The following KCNJ6 variants were observed in gnomAD, a reference collection of about 807,000 sequenced individuals.
KCNJ6 encodes potassium inwardly rectifying channel subfamily J member 6.
KCNJ6 carries 9 observed loss-of-function variants against 34.2 expected under a neutral mutation model. The ratio of observed to expected loss-of-function variants is 0.26; its 90% CI spans 0.16 to 0.46. The LOEUF (loss-of-function observed/expected upper bound fraction) is 0.46. KCNJ6 is among the 20% of genes least tolerant of loss of function. The probability of loss-of-function intolerance (pLI) is 1.00; values close to 1 mark genes in which losing one functional copy is unlikely to be tolerated. For synonymous variants in KCNJ6, 196 were observed against 207.1 expected (o/e 0.95, Z 0.46); for missense variants, 236 against 531.3 (o/e 0.44, Z 5.46).
intron 1 of KCNJ6, among the ~76,000 whole-genome samples, chr21:37,866,160 G>A (rs1421728109): frequency 6.6e-6 from 1 of 152,072 alleles, no homozygotes; most frequent in African/African-American, 2.4e-5. Context: ...GAGAAAAGAA[G>A]ACATTCTGTC....
chr21:37,820,865 T>G (rs1320566881), intron 2 of KCNJ6, among the ~76,000 whole-genome samples: 1 of 152,252 alleles, frequency 6.6e-6, no homozygotes. Context: ...TGTGCCTTGT[T>G]TTGACTAGTT....
rs1355602940 is a variant in KCNJ6 at position 37,608,769 on chromosome 21, G to A, written c.*16390C>T. The stretch of plus-strand genomic sequence containing the variant: ...ATTACAGGCTTGTTGAGGACAGTGG[G>A]GGATGTTACTTTTTCTCAGAGTCTT... On this transcript the variant is annotated 3_prime_UTR_variant, in exon 4 of 4. Coordinates refer to ENST00000609713, the MANE Select transcript of KCNJ6 (RefSeq NM_002240.5). The A allele has an allele frequency of 1.3e-5, 2 of 152,196 alleles. No individual in the cohort carries two copies. Among genetic ancestry groups the A allele is most frequent in the African/African-American group, 4.8e-5 (2 of 41,440 alleles). The allele number at this position is 152,196 out of a possible 1,614,324, so 9.4% of individuals were successfully genotyped here.
intron 2 of KCNJ6, among the ~76,000 whole-genome samples, chr21:37,825,506 G>A (rs541899580): frequency 5.3e-5 from 8 of 152,020 alleles, no homozygotes; most frequent in Admixed American, 1.3e-4. Flanking sequence ...TACCTCACTC[G>A]ATCCAACCCC....
intron 2 of KCNJ6, among the ~76,000 whole-genome samples, chr21:37,814,330 A>T (rs1351667317): frequency 6.6e-6 from 1 of 152,212 alleles, no homozygotes; most frequent in Non-Finnish European, 1.5e-5. Flanking sequence ...GCTGTTGGTG[A>T]GAATGCAAAT....
At chr21:37,805,718 G>A (rs1368259852) in intron 2 of KCNJ6, among the ~76,000 whole-genome samples, 1 of 152,174 alleles carries the variant, frequency 6.6e-6, no homozygotes, top group African/African-American at 2.4e-5. Flanking sequence ...CTTATGAGAA[G>A]AGGTAAATTT....
At position 37,611,142 on chromosome 21, in the gene KCNJ6, G is replaced by T. The variant is rs116065829; in HGVS notation, c.*14017C>A. The T allele has an allele frequency of 6.6e-6, 1 of 152,128 alleles. No individual in the cohort carries two copies. The highest frequency in any genetic ancestry group is 1.5e-5 in the Non-Finnish European group (1 of 68,016). 9.4% of individuals were successfully genotyped at this position (152,128 alleles called of 1,614,324 possible). ...CACAAATTACTACTATCAGAAATGA[G>T]AGCGGGGACGTTACTAGCAATCCCA... On this transcript the variant is annotated 3_prime_UTR_variant, in exon 4 of 4. Transcript: ENST00000609713.
intron 3 of KCNJ6, among the ~76,000 whole-genome samples, chr21:37,707,733 G>GTGTGTGTATATGTGTGCA (rs1237113944): frequency 6.7e-6 from 1 of 149,898 alleles, no homozygotes; most frequent in Non-Finnish European, 1.5e-5. Flanking sequence ...ATGTGTGTGT[G>GTGTGTGTATATGTGTGCA]TGAATAATTT....
intron 1 of KCNJ6, among the ~76,000 whole-genome samples, chr21:37,856,628 A>AGG (rs1334735548): frequency 6.6e-6 from 1 of 152,200 alleles, no homozygotes; most frequent in African/African-American, 2.4e-5. Context: ...AGAGAGAGAG[A>AGG]GAGAACACAA....
chr21:37,727,627 T>C (rs554508687), intron 2 of KCNJ6, among the ~76,000 whole-genome samples: 1 of 152,108 alleles, frequency 6.6e-6, no homozygotes, highest in East Asian at 1.9e-4. Flanking sequence ...AGAGGGATAG[T>C]CGGGTGTTTG....
intron 3 of KCNJ6, among the ~76,000 whole-genome samples, chr21:37,711,805 C>A (rs1004712713): frequency 6.6e-6 from 1 of 151,220 alleles, no homozygotes; most frequent in Admixed American, 6.6e-5. Flanking sequence ...GAACCCCCCC[C>A]CCAAGTCTAG....
At chr21:37,859,533 AAT>A (rs2055584444) in intron 1 of KCNJ6, among the ~76,000 whole-genome samples, 2 of 111,758 alleles carry the variant, frequency 1.8e-5, no homozygotes, top group South Asian at 5.5e-4. Flanking sequence ...ATATATATAA[AAT>A]ACTTAAAAAG....
intron 3 of KCNJ6, among the ~76,000 whole-genome samples, chr21:37,707,569 C>G (rs773533654): frequency 1.3e-5 from 2 of 151,914 alleles, no homozygotes; most frequent in Non-Finnish European, 2.9e-5. Context: ...ATGAACTGAG[C>G]TATAGCCAGA....
chr21:37,886,970 CCT>C (rs1401558599), intron 1 of KCNJ6, among the ~76,000 whole-genome samples: 1 of 147,718 alleles, frequency 6.8e-6, no homozygotes, highest in Non-Finnish European at 1.5e-5. Flanking sequence ...TTTCACTCAT[CCT>C]CTGTTCCGGC....
At chr21:37,630,050 T>C (rs2054326944) in intron 3 of KCNJ6, among the ~76,000 whole-genome samples, 1 of 151,910 alleles carries the variant, frequency 6.6e-6, no homozygotes, top group African/African-American at 2.4e-5. Flanking sequence ...AAAACTGTGA[T>C]GTTTTACTGA....
intron 3 of KCNJ6, among the ~76,000 whole-genome samples, chr21:37,639,336 T>C (rs1268071656): frequency 6.6e-6 from 1 of 152,206 alleles, no homozygotes; most frequent in African/African-American, 2.4e-5. Context: ...ACTACAAACC[T>C]CTGAGGTAAA....
At chr21:37,843,240 T>C (rs1212130399) in intron 1 of KCNJ6, among the ~76,000 whole-genome samples, 1 of 152,174 alleles carries the variant, frequency 6.6e-6, no homozygotes, top group African/African-American at 2.4e-5. Flanking sequence ...GCAGCTATTT[T>C]TGTTCAGATG....
chr21:37,775,472 T>C (rs1044532473), intron 2 of KCNJ6, among the ~76,000 whole-genome samples: 16 of 152,268 alleles, frequency 1.1e-4, no homozygotes, highest in Non-Finnish European at 2.4e-4. Flanking sequence ...TCTAGAGTTT[T>C]TATGGTTTTA....
rs2055050096 is a variant in KCNJ6 at position 37,759,602 on chromosome 21, T to A, written c.26-44471A>T. 2.0e-5 allele frequency among the ~76,000 whole-genome samples: 3 copies of A among 152,186 alleles called. No homozygotes were observed. The South Asian group carries it at 6.2e-4, about 32-fold the overall frequency. ...CCCATTGTCCCCTGGGTCTTGTCCT[T>A]GAGGAAGCCTCACAAGTCATCCTGT... On this transcript the variant is annotated intron_variant, in intron 2 of 3. Coordinates refer to ENST00000609713, the MANE Select transcript of KCNJ6 (RefSeq NM_002240.5).
chr21:37,751,389 T>A (rs1027005198), intron 2 of KCNJ6, among the ~76,000 whole-genome samples: 3 of 152,234 alleles, frequency 2.0e-5, no homozygotes, highest in Non-Finnish European at 4.4e-5. Context: ...TTCCCATCCC[T>A]CTGTGTGCTA....
Sources: allele counts gnomAD v4.1 joint callset (sites outside exome capture counted in the v4.1 genomes callset), GRCh38; gene constraint gnomAD v4.1.1; transcripts MANE v1.5; gene names NCBI Gene and HGNC (gene_info 2026-07-23, HGNC 2026-07-21).